Variants in LMF1 observed in about 807,000 individuals in gnomAD.
LMF1 encodes transmembrane protein 112.
Under a neutral mutation model 60.6 loss-of-function variants are expected in LMF1, and 68 were observed. That is an observed-to-expected ratio of 1.12 (90% CI 0.92 to 1.37). The LOEUF (loss-of-function observed/expected upper bound fraction) is 1.37, where lower values mean the gene tolerates loss of function less well. Ranked by LOEUF, LMF1 falls within the 40% of genes most tolerant of loss-of-function variation. The pLI is 0.00. For synonymous variants in LMF1, 418 were observed against 324.7 expected (o/e 1.29, Z -3.09); for missense variants, 948 against 767.2 (o/e 1.24, Z -2.78).
At chr16:921,609 A>G (rs932528702) in intron 3 of LMF1, among the ~76,000 whole-genome samples, 7 of 152,184 alleles carry the variant, frequency 4.6e-5, no homozygotes, top group Admixed American at 6.5e-5. Flanking sequence ...GCCACTCCCT[A>G]TACCTTGATG....
Position 970,918 on chromosome 16 carries a change from C to G in LMF1, c.63G>C (p.Gly21=). ...GCGACTCAGGCTCCGGATCCGAGTA[C>G]CCAGTCTTCCGCCTCCTCAGCGACT... ...PAESLRRRKT[G]YSDPEPESPP... The change falls in exon 1 of 11, where the codon GGG becomes GGC. Residue 21 remains glycine, a synonymous_variant. Transcript: ENST00000262301. The G allele has an allele frequency of 6.3e-7, 1 of 1,579,252 alleles. No homozygotes were observed. Among genetic ancestry groups the G allele is most frequent in the Non-Finnish European group, 8.6e-7 (1 of 1,162,872 alleles).
chr16:937,063 AG>A (rs1567275077), intron 2 of LMF1, among the ~76,000 whole-genome samples: 10 of 152,322 alleles, frequency 6.6e-5, no homozygotes, highest in Middle Eastern at 3.4e-3. Flanking sequence ...CGTTGTGCAG[AG>A]AAGGGGTGAG....
intron 6 of LMF1, among the ~76,000 whole-genome samples, chr16:877,734 C>G (rs1384670057): frequency 6.6e-6 from 1 of 152,126 alleles, no homozygotes; most frequent in Non-Finnish European, 1.5e-5. Context: ...AGCACTCGAG[C>G]CCGCCCAGCA....
chr16:854,480 C>G lies in LMF1; in HGVS notation c.*52G>C. 6.5e-7 allele frequency: 1 copy of G among 1,543,362 alleles called. No homozygotes were observed. The highest frequency in any genetic ancestry group is 2.4e-5 in the East Asian group (1 of 42,492). The stretch of plus-strand genomic sequence containing the variant: ...TGGGCTGGGCGCAGGGAAGGGCAAA[C>G]GTTGCTGAGCCGCCGAGGGGCTGGG... On this transcript the variant is annotated 3_prime_UTR_variant, in exon 11 of 11. Transcript: ENST00000262301.
chr16:975,016 AC>A (rs149234002), upstream of LMF1, among the ~76,000 whole-genome samples: 6 of 152,074 alleles, frequency 3.9e-5, no homozygotes, highest in East Asian at 3.8e-4. Flanking sequence ...CCAGCGGCCA[AC>A]CCCCCCACCC....
intron 2 of LMF1, among the ~76,000 whole-genome samples, chr16:950,543 A>C (rs1288339768): frequency 8.4e-6 from 1 of 118,588 alleles, no homozygotes; most frequent in Non-Finnish European, 1.7e-5. Flanking sequence ...AGCCAATGAC[A>C]GAGTCAGCCA....
chr16:864,981 T>C (rs980105773), intron 10 of LMF1, among the ~76,000 whole-genome samples: 12 of 152,220 alleles, frequency 7.9e-5, no homozygotes, highest in Non-Finnish European at 1.6e-4. Flanking sequence ...AGTCGGTCAT[T>C]TTACTTCTTC....
At chr16:975,654 G>A (rs981331338), upstream of LMF1, 2 of 379,756 alleles carry the variant, frequency 5.3e-6, no homozygotes, top group Non-Finnish European at 1.0e-5. Flanking sequence ...GGCCACAGAG[G>A]AAGCACGCTC....
intron 2 of LMF1, among the ~76,000 whole-genome samples, chr16:951,822 C>T (rs1026919544): frequency 2.0e-5 from 3 of 152,226 alleles, no homozygotes; most frequent in Admixed American, 6.5e-5. Context: ...GAAAAAGCCA[C>T]TTCACCGTCC....
chr16:911,090 G>C lies in LMF1; in HGVS notation c.515-11C>G, dbSNP rs754790708. On this transcript the variant is annotated splice_polypyrimidine_tract_variant and intron_variant, in intron 3 of 10. Transcript: ENST00000262301. ...GCTGGGACTCCCATCCTAAAACAAC[G>C]AGACATACCAAAGGTGAGTTAATGG... is the stretch of plus-strand genomic sequence containing the variant. The C allele has an allele frequency of 1.9e-6, 3 of 1,608,506 alleles. No homozygotes were observed. The highest frequency in any genetic ancestry group is 2.2e-5 in the East Asian group (1 of 44,668).
At chr16:914,247 C>T (rs2071205800) in intron 3 of LMF1, among the ~76,000 whole-genome samples, 1 of 152,086 alleles carries the variant, frequency 6.6e-6, no homozygotes, top group African/African-American at 2.4e-5. Flanking sequence ...GAGCAAACGT[C>T]TCCACGTTGA....
chr16:973,444 G>A (rs1219458804), upstream of LMF1, among the ~76,000 whole-genome samples: 2 of 152,234 alleles, frequency 1.3e-5, no homozygotes, highest in Admixed American at 6.5e-5. Context: ...GGACAGACGC[G>A]GAGGTCATGA....
intron 5 of LMF1, among the ~76,000 whole-genome samples, chr16:890,424 G>GC (rs1469215881): frequency 6.6e-6 from 1 of 152,186 alleles, no homozygotes; most frequent in Non-Finnish European, 1.5e-5. Context: ...AGCCGGCCCG[G>GC]CCCCCCGAGA....
chr16:946,173 G>A (rs188185929), intron 2 of LMF1, among the ~76,000 whole-genome samples: 28 of 152,318 alleles, frequency 1.8e-4, no homozygotes, highest in African/African-American at 5.8e-4. Context: ...GAGTTCTTTC[G>A]CCTTAGAAGT....
rs2069891509 is a variant in LMF1, at chr16:874,033, G to T, written c.898-2692C>A. 6.6e-6 allele frequency among the ~76,000 whole-genome samples: 1 copy of T among 152,326 alleles called. No homozygotes were observed. Among genetic ancestry groups the T allele is most frequent in the Middle Eastern group, 3.4e-3 (1 of 294 alleles). On this transcript the variant is annotated intron_variant, in intron 6 of 10. Coordinates refer to ENST00000262301, the MANE Select transcript of LMF1 (RefSeq NM_022773.4). This position sits in a 1 kb window ranked among gnomAD's most constrained non-coding sequence, Gnocchi z 4.1. ...ATGAAGCTCCCAGTGGCTGGTGGAG[G>T]CCCGGCGGCGGGTGTGAGGGTCTCC...
At chr16:898,122 C>T (rs917368712) in intron 4 of LMF1, among the ~76,000 whole-genome samples, 1 of 152,342 alleles carries the variant, frequency 6.6e-6, no homozygotes, top group South Asian at 2.1e-4. Context: ...GGACCCAGGT[C>T]CCCCGTGGCT....
At chr16:973,578 T>C (rs648959), upstream of LMF1, among the ~76,000 whole-genome samples, 150,956 of 152,336 alleles carry the variant, frequency 0.99, 74,800 homozygotes, top group East Asian at 1. Flanking sequence ...TAGGACGTTT[T>C]CTTTTGGGCT....
In LMF1 at chr16:897,456, G is replaced by A. The variant is rs1300276703; in HGVS notation, c.664-4384C>T. On this transcript the variant is annotated intron_variant, in intron 4 of 10. Transcript: ENST00000262301. The surrounding 1 kb of genome is among the most constrained non-coding windows in gnomAD (Gnocchi z 4.3). ...CCACAACCTCCTCCATCCTTCTGGC[G>A]TTAGGGTCCCCTCGCCTGTATCAGT... 6.6e-6 allele frequency among the ~76,000 whole-genome samples: 1 copy of A among 152,196 alleles called. No homozygotes were observed. The highest frequency in any genetic ancestry group is 2.4e-5 in the African/African-American group (1 of 41,442).
intron 5 of LMF1, among the ~76,000 whole-genome samples, chr16:890,155 G>A (rs1017711986): frequency 6.6e-6 from 1 of 152,204 alleles, no homozygotes; most frequent in East Asian, 1.9e-4. Context: ...GCCGGTATAT[G>A]GGCCATTCCT....
Sources: gnomAD v4.1 joint callset for allele counts (sites outside exome capture counted in the v4.1 genomes callset) on GRCh38, gnomAD v4.1.1 for gene constraint, Gnocchi (gnomAD v3.1) non-coding constraint, MANE v1.5 for transcripts, NCBI Gene and HGNC (gene_info 2026-07-23, HGNC 2026-07-21) for gene names.